The following FAM241A variants were observed in gnomAD, a reference collection of about 807,000 sequenced individuals.
FAM241A encodes family with sequence similarity 241 member A.
Under a neutral mutation model 12.2 loss-of-function variants are expected in FAM241A, and 7 were observed. The ratio of observed to expected loss-of-function variants is 0.58; its 90% CI spans 0.33 to 1.08. The LOEUF is 1.08. Among genes scored for constraint, FAM241A ranks in the 50% least tolerant of loss-of-function variants. The pLI is 0.04. For synonymous variants in FAM241A, 74 were observed against 68.2 expected, an observed-to-expected ratio of 1.08 and a Z score of -0.42; for missense variants, 161 against 169.7, an observed-to-expected ratio of 0.95 and a Z score of 0.29.
At chr4:112,162,519 GACAA>G (rs1306115017) in intron 1 of FAM241A, among the ~76,000 whole-genome samples, 9 of 152,256 alleles carry the variant, frequency 5.9e-5, no homozygotes, top group South Asian at 4.1e-4. Context: ...ACCAATAACA[GACAA>G]ACAGAGAGCC....
chr4:112,159,624 A>G (rs1723420487), intron 1 of FAM241A, among the ~76,000 whole-genome samples: 1 of 149,490 alleles, frequency 6.7e-6, no homozygotes, highest in African/African-American at 2.4e-5. Flanking sequence ...GGATAGTTCA[A>G]CATACACAAA....
chr4:112,187,932 G>T lies in FAM241A; in HGVS notation c.*994G>T, dbSNP rs1485969448. ...TCATTTTTCTTTGATATCTATATCA[G>T]AAAGGTACAATATTAACAGTATAAA... On this transcript the variant is annotated 3_prime_UTR_variant, in exon 2 of 2. Coordinates refer to ENST00000309733, the MANE Select transcript of FAM241A (RefSeq NM_152400.3). The T allele has an allele frequency of 6.6e-6, 1 of 151,944 alleles. No homozygotes were observed. The highest frequency in any genetic ancestry group is 2.4e-5 in the African/African-American group (1 of 41,380). The allele number at this position is 151,944 out of a possible 1,614,324, so 9.4% of individuals were successfully genotyped here. A position where few individuals can be genotyped will look rare whatever the true frequency, so the allele number is the denominator to read the frequency against.
At chr4:112,171,897 A>G (rs1467410196) in intron 1 of FAM241A, among the ~76,000 whole-genome samples, 1 of 152,210 alleles carries the variant, frequency 6.6e-6, no homozygotes, top group Admixed American at 6.5e-5. Context: ...TCTTGAGTTT[A>G]TATTCAAAAA....
intron 1 of FAM241A, among the ~76,000 whole-genome samples, chr4:112,176,079 T>C (rs1723814777): frequency 6.6e-6 from 1 of 152,210 alleles, no homozygotes; most frequent in Admixed American, 6.5e-5. Context: ...CTTTCCAAAG[T>C]GAGTAAACAG....
At chr4:112,165,538 CGTG>C (rs1723576087) in intron 1 of FAM241A, among the ~76,000 whole-genome samples, 2 of 152,118 alleles carry the variant, frequency 1.3e-5, no homozygotes, top group South Asian at 4.1e-4. Flanking sequence ...ATAAAGAAAA[CGTG>C]GTACTTATAC....
At chr4:112,179,996 A>C (rs1159318907) in intron 1 of FAM241A, among the ~76,000 whole-genome samples, 1 of 91,678 alleles carries the variant, frequency 1.1e-5, no homozygotes, top group Admixed American at 1.2e-4. Context: ...TAATGTATAT[A>C]TATTATGTAA....
At chr4:112,160,070 A>T (rs1723431495) in intron 1 of FAM241A, among the ~76,000 whole-genome samples, 1 of 152,202 alleles carries the variant, frequency 6.6e-6, no homozygotes. Flanking sequence ...GATAAATTCA[A>T]TAAAGTTGCA....
At chr4:112,175,599 C>A (rs1016994816) in intron 1 of FAM241A, among the ~76,000 whole-genome samples, 1 of 152,054 alleles carries the variant, frequency 6.6e-6, no homozygotes, top group Non-Finnish European at 1.5e-5. Flanking sequence ...GAAGCCCCAT[C>A]TCTACTAAAA....
intron 1 of FAM241A, among the ~76,000 whole-genome samples, chr4:112,150,656 G>C (rs1345609103): frequency 6.6e-6 from 1 of 151,958 alleles, no homozygotes; most frequent in Non-Finnish European, 1.5e-5. Flanking sequence ...GGGGTTCAGT[G>C]AGGGGGGTCC....
At chr4:112,153,825 G>A (rs1723297713) in intron 1 of FAM241A, among the ~76,000 whole-genome samples, 1 of 152,064 alleles carries the variant, frequency 6.6e-6, no homozygotes, top group South Asian at 2.1e-4. Flanking sequence ...TAACTTTATG[G>A]AAAATAAAGG....
At chr4:112,170,554 C>T (rs1404893000) in intron 1 of FAM241A, among the ~76,000 whole-genome samples, 2 of 152,108 alleles carry the variant, frequency 1.3e-5, no homozygotes, top group African/African-American at 2.4e-5. Flanking sequence ...GACTACTAAG[C>T]GACTAATGGG....
intron 1 of FAM241A, among the ~76,000 whole-genome samples, chr4:112,182,234 C>T (rs1234210680): frequency 6.6e-6 from 1 of 152,086 alleles, no homozygotes; most frequent in African/African-American, 2.4e-5. Flanking sequence ...AGCCCTCGTC[C>T]TCACAAATCA....
At chr4:112,153,152 G>GA (rs1469021464) in intron 1 of FAM241A, among the ~76,000 whole-genome samples, 1 of 152,226 alleles carries the variant, frequency 6.6e-6, no homozygotes, top group Admixed American at 6.5e-5. Context: ...AATCTCTAAA[G>GA]AAAAAATTAA....
At chr4:112,149,435 T>TC (rs1325892677) in intron 1 of FAM241A, among the ~76,000 whole-genome samples, 1 of 152,212 alleles carries the variant, frequency 6.6e-6, no homozygotes, top group East Asian at 1.9e-4. Context: ...AATAATTCAT[T>TC]CCCCTAACAC....
At chr4:112,160,747 A>C (rs1723447494) in intron 1 of FAM241A, among the ~76,000 whole-genome samples, 1 of 152,190 alleles carries the variant, frequency 6.6e-6, no homozygotes, top group African/African-American at 2.4e-5. Context: ...CCAGAAACAA[A>C]TCCACACACC....
chr4:112,154,684 A>G (rs1188679987), intron 1 of FAM241A, among the ~76,000 whole-genome samples: 1 of 152,188 alleles, frequency 6.6e-6, no homozygotes, highest in Non-Finnish European at 1.5e-5. Flanking sequence ...TTAAAAAAGT[A>G]GATTCTTGAA....
Position 112,193,796 on chromosome 4 carries a change from T to C in FAM241A, c.*6858T>C, listed in dbSNP as rs991443189. ...TCAGGTAGCATGATGCCTCCAGCTT[T>C]GTTCTTTTGGCTTAGGATTGACTTG... On this transcript the variant is annotated 3_prime_UTR_variant, in exon 2 of 2. Transcript: ENST00000309733. 3.3e-5 allele frequency: 5 copies of C among 151,894 alleles called. No individual in the cohort carries two copies. Among genetic ancestry groups the C allele is most frequent in the South Asian group, 2.1e-4 (1 of 4,814 alleles). 9.4% of individuals were successfully genotyped at this position (151,894 alleles called of 1,614,324 possible).
intron 1 of FAM241A, among the ~76,000 whole-genome samples, chr4:112,152,402 G>T (rs1392447461): frequency 3.3e-5 from 5 of 152,162 alleles, no homozygotes; most frequent in Non-Finnish European, 7.4e-5. Context: ...ATATGTAAGG[G>T]TTACAGTCCT....
At chr4:112,150,903 A>G (rs1043272568) in intron 1 of FAM241A, among the ~76,000 whole-genome samples, 9 of 152,250 alleles carry the variant, frequency 5.9e-5, no homozygotes, top group South Asian at 2.1e-4. Context: ...ATAGCTATCT[A>G]GCATGTGAGT....
Sources: gnomAD v4.1 joint callset for allele counts (sites outside exome capture counted in the v4.1 genomes callset) on GRCh38, gnomAD v4.1.1 for gene constraint, MANE v1.5 for transcripts, NCBI Gene and HGNC (gene_info 2026-07-23, HGNC 2026-07-21) for gene names.